PODXL: variants seen among roughly 807,000 people sequenced by gnomAD.
The protein encoded by PODXL is podocalyxin like.
A neutral mutation model predicts 48.9 loss-of-function variants in PODXL; 20 were observed. The ratio of observed to expected loss-of-function variants is 0.41; its 90% CI spans 0.29 to 0.59. The LOEUF is 0.59. PODXL is among the 20% of genes least tolerant of loss of function. The pLI, the probability that PODXL is intolerant of heterozygous loss-of-function variation, is 0.31. For missense variants in PODXL, 606 were observed against 675.1 expected (o/e 0.90, Z 1.13); for synonymous variants, 295 against 287.4 (o/e 1.03, Z -0.27).
chr7:131,520,259 C>A, intron 1 of PODXL: 1 of 482,984 alleles, frequency 2.1e-6, no homozygotes, highest in Non-Finnish European at 4.1e-6. Context: ...GCAGCATGCC[C>A]CTCAGGCACT....
intron 1 of PODXL, among the ~76,000 whole-genome samples, chr7:131,523,712 A>G (rs1199988424): frequency 6.7e-6 from 1 of 149,042 alleles, no homozygotes; most frequent in Admixed American, 6.6e-5. Context: ...ACAAGAAAAG[A>G]AAAAGAAAAA....
chr7:131,527,396 A>G (rs1430760710), intron 1 of PODXL, among the ~76,000 whole-genome samples: 1 of 152,260 alleles, frequency 6.6e-6, no homozygotes, highest in Non-Finnish European at 1.5e-5. Flanking sequence ...GAAACAGAAG[A>G]TGTTACTAAA....
At chr7:131,521,130 T>C (rs1269435264) in intron 1 of PODXL, among the ~76,000 whole-genome samples, 1 of 146,190 alleles carries the variant, frequency 6.8e-6, no homozygotes. Context: ...ATTGTGCCAC[T>C]GCACTCCAGC....
intron 6 of PODXL, 107 bp from the exon 7 acceptor site, chr7:131,506,428 G>GTC: frequency 1.4e-6 from 2 of 1,443,408 alleles, no homozygotes; most frequent in African/African-American, 1.4e-5. Context: ...TCTCCTGAGT[G>GTC]TCTCTCGGGT....
chr7:131,546,452 G>A (rs1422545532), intron 1 of PODXL, among the ~76,000 whole-genome samples: 2 of 152,092 alleles, frequency 1.3e-5, no homozygotes, highest in African/African-American at 2.4e-5. Flanking sequence ...TGGGCCGGGC[G>A]CTGTGGCTCA....
Position 131,540,632 on chromosome 7 carries a change from T to TTAGGGGAAGAGTTGTGTG in PODXL, c.100+15627_100+15628insCACACAACTCTTCCCCTA, listed in dbSNP as rs1355891182. ...GCCCGGACATTTGGCACACAACTCT[T>TTAGGGGAAGAGTTGTGTG]CCCCTAGCAGTAAGTTCAAAAACAA... On this transcript the variant is annotated intron_variant, in intron 1 of 8. Coordinates refer to ENST00000378555, the MANE Select transcript of PODXL (RefSeq NM_001018111.3). Among the ~76,000 whole-genome samples the TTAGGGGAAGAGTTGTGTG allele has an allele frequency of 5.3e-5, 8 of 152,066 alleles. No homozygotes were observed. In the South Asian group the frequency reaches 1.0e-3, roughly 20 times the overall value.
chr7:131,521,466 T>A (rs1277217013), intron 1 of PODXL, among the ~76,000 whole-genome samples: 2 of 151,968 alleles, frequency 1.3e-5, no homozygotes, highest in Admixed American at 1.3e-4. Context: ...CTCAGCCTCC[T>A]GAGTGGCTGG....
chr7:131,535,143 G>A (rs1476484631), intron 1 of PODXL, among the ~76,000 whole-genome samples: 1 of 152,214 alleles, frequency 6.6e-6, no homozygotes, highest in South Asian at 2.1e-4. Flanking sequence ...TGAGATATGT[G>A]TTATTATCTC....
chr7:131,543,746 G>A (rs1454422071), intron 1 of PODXL, among the ~76,000 whole-genome samples: 1 of 152,138 alleles, frequency 6.6e-6, no homozygotes, highest in African/African-American at 2.4e-5. Flanking sequence ...AGAAAGGGCC[G>A]AGGCCAGCAA....
intron 1 of PODXL, among the ~76,000 whole-genome samples, chr7:131,526,497 G>A (rs1652926801): frequency 8.3e-6 from 1 of 120,434 alleles, no homozygotes; most frequent in Admixed American, 1.1e-4. Flanking sequence ...AATTAAACAT[G>A]CATTTTACAG....
At chr7:131,525,897 G>A (rs1189247004) in intron 1 of PODXL, among the ~76,000 whole-genome samples, 1 of 152,214 alleles carries the variant, frequency 6.6e-6, no homozygotes, top group African/African-American at 2.4e-5. Context: ...CTAGCCCTGT[G>A]ATGCTTGATG....
At chr7:131,538,952 AC>A (rs1219961229) in intron 1 of PODXL, among the ~76,000 whole-genome samples, 1 of 152,214 alleles carries the variant, frequency 6.6e-6, no homozygotes, top group Non-Finnish European at 1.5e-5. Context: ...CCTGCAGCAG[AC>A]CATGTGAATC....
intron 1 of PODXL, among the ~76,000 whole-genome samples, chr7:131,522,573 G>T (rs575452904): frequency 1.3e-5 from 2 of 152,226 alleles, no homozygotes; most frequent in Non-Finnish European, 2.9e-5. Flanking sequence ...TGCAGCCCCG[G>T]GTGCACCGAA....
At chr7:131,554,759 G>A (rs559604332) in intron 1 of PODXL, among the ~76,000 whole-genome samples, 37 of 152,264 alleles carry the variant, frequency 2.4e-4, no homozygotes, top group Non-Finnish European at 5.1e-4. Context: ...TCCTGACACA[G>A]CCCAACGCCC....
intron 1 of PODXL, among the ~76,000 whole-genome samples, chr7:131,529,376 A>G (rs759423586): frequency 2.0e-5 from 3 of 152,114 alleles, no homozygotes; most frequent in African/African-American, 4.8e-5. Flanking sequence ...TGGGGTGGGA[A>G]GCCTGCTTCA....
Position 131,510,313 on chromosome 7 carries a change from TG to T in PODXL, c.724del (p.His242MetfsTer10). 3.5e-6 allele frequency: 1 copy of T among 287,288 alleles called. No individual in the cohort carries two copies. The highest frequency in any genetic ancestry group is 6.7e-6 in the Non-Finnish European group (1 of 149,546). The allele number at this position is 287,288 out of a possible 1,614,324, so 17.8% of individuals were successfully genotyped here. On this transcript the variant is annotated frameshift_variant, in exon 3 of 9. Transcript: ENST00000378555. LOFTEE classifies it high-confidence loss of function. ...GAGTTCAAGACCAGCCTGGCTGACA[TG>T]GTGAAACACTGTCTCTACTTGAAAA... ...TTTLLETVFH[H>X]VSQAGLELLT...
chr7:131,532,414 C>G (rs1275724003), intron 1 of PODXL, among the ~76,000 whole-genome samples: 1 of 145,042 alleles, frequency 6.9e-6, no homozygotes, highest in African/African-American at 2.6e-5. Context: ...CCAGCCTGGG[C>G]GACAAAGCAA....
At chr7:131,538,381 G>A (rs573314015) in intron 1 of PODXL, among the ~76,000 whole-genome samples, 1 of 152,112 alleles carries the variant, frequency 6.6e-6, no homozygotes, top group East Asian at 1.9e-4. Flanking sequence ...CAGCTAGTGG[G>A]GCTCAGTTTC....
At chr7:131,547,060 G>A (rs1798590107) in intron 1 of PODXL, among the ~76,000 whole-genome samples, 1 of 152,148 alleles carries the variant, frequency 6.6e-6, no homozygotes, top group African/African-American at 2.4e-5. Context: ...ACTGGGCTAG[G>A]GCTGACGCCA....
Sources: gnomAD v4.1 joint callset for allele counts (sites outside exome capture counted in the v4.1 genomes callset) on GRCh38, gnomAD v4.1.1 for gene constraint, MANE v1.5 for transcripts, NCBI Gene and HGNC (gene_info 2026-07-23, HGNC 2026-07-21) for gene names.